The following VPS26A variants were observed in gnomAD, a reference collection of about 807,000 sequenced individuals.
The protein encoded by VPS26A is VPS26 retromer complex component A.
In VPS26A, 22 loss-of-function variants were observed where a neutral mutation model predicts 42.4. That is an observed-to-expected ratio of 0.52 (90% CI 0.37 to 0.74). VPS26A has a LOEUF of 0.74. VPS26A is among the 30% of genes least tolerant of loss of function. The pLI, the probability that VPS26A is intolerant of heterozygous loss-of-function variation, is 0.00. For missense variants in VPS26A, 276 were observed against 379.2 expected (o/e 0.73, Z 2.26); for synonymous variants, 110 against 123.5 (o/e 0.89, Z 0.73).
intron 2 of VPS26A, among the ~76,000 whole-genome samples, chr10:69,149,722 T>C (rs1326611435): frequency 7.5e-6 from 1 of 134,114 alleles, no homozygotes; most frequent in African/African-American, 2.7e-5. Context: ...GTTAACTTTC[T>C]TGGTGTTTTT....
chr10:69,132,882 T>A lies in VPS26A; in HGVS notation c.4-16T>A. The A allele has an allele frequency of 6.4e-7, 1 of 1,574,314 alleles. No individual in the cohort carries two copies. On this transcript the variant is annotated splice_polypyrimidine_tract_variant and intron_variant, in intron 1 of 8. Transcript: ENST00000263559. ...GACTAAACATGATAATTATGACCAT[T>A]TTCATTTTATTTCAGAGTTTTCTTG...
At chr10:69,132,326 T>G (rs1840798792) in intron 1 of VPS26A, among the ~76,000 whole-genome samples, 1 of 132,688 alleles carries the variant, frequency 7.5e-6, no homozygotes, top group African/African-American at 2.6e-5. Flanking sequence ...TATAGCATGC[T>G]GAAATTTGTT....
At chr10:69,148,721 G>A (rs554122369) in intron 2 of VPS26A, among the ~76,000 whole-genome samples, 3 of 151,880 alleles carry the variant, frequency 2.0e-5, no homozygotes, top group South Asian at 2.1e-4. Context: ...ACTGAGGCAT[G>A]AGCTTTGAGA....
At chr10:69,146,918 G>A (rs1407223534) in intron 2 of VPS26A, among the ~76,000 whole-genome samples, 1 of 152,144 alleles carries the variant, frequency 6.6e-6, no homozygotes, top group African/African-American at 2.4e-5. Context: ...GTGAACATAT[G>A]TTTTAACTTC....
In VPS26A at chr10:69,156,981, T is replaced by G. The variant is rs201441761; in HGVS notation, c.230-26T>G. On this transcript the variant is annotated intron_variant, in intron 3 of 8. Transcript: ENST00000263559. The stretch of plus-strand genomic sequence containing the variant: ...ATTGAAATGGCTATTAAATAATTGG[T>G]CTTTTTGCCTTTTAAAATTTCTCAG... 1.5e-5 allele frequency: 23 copies of G among 1,560,890 alleles called. No homozygotes were observed. The African/African-American group carries it at 3.0e-4, about 21-fold the overall frequency.
At chr10:69,135,324 T>G (rs982813131) in intron 2 of VPS26A, among the ~76,000 whole-genome samples, 1 of 152,230 alleles carries the variant, frequency 6.6e-6, no homozygotes, top group Admixed American at 6.5e-5. Flanking sequence ...TTTAAAGTAA[T>G]CTTATGTCAC....
chr10:69,149,727 G>GTTTTTTTTTTTTTTTTTT lies in VPS26A; in HGVS notation c.154-6079_154-6078insTTTTTTTTTTTTTTTTTT, dbSNP rs151136046. Among the ~76,000 whole-genome samples, 4 of 93,964 alleles carry GTTTTTTTTTTTTTTTTTT rather than the reference G, an allele frequency of 4.3e-5. 1 individual carries two copies. The highest frequency in any genetic ancestry group is 2.3e-4 in the Admixed American group (2 of 8,682). 61.6% of individuals were successfully genotyped at this position (93,964 alleles called of 152,430 possible). ...ACCATGGAATGTTAACTTTCTTGGT[G>GTTTTTTTTTTTTTTTTTT]TTTTTTGTTTTTTTTTTTTTTTTTT... On this transcript the variant is annotated intron_variant, in intron 2 of 8. Transcript: ENST00000263559.
intron 1 of VPS26A, among the ~76,000 whole-genome samples, chr10:69,125,681 T>G (rs1840635335): frequency 6.6e-6 from 1 of 152,226 alleles, no homozygotes; most frequent in African/African-American, 2.4e-5. Context: ...AGAAACTAAA[T>G]TGTAAAACTT....
chr10:69,166,259 AAAG>A lies in VPS26A; in HGVS notation c.727+154_727+156del, dbSNP rs1463271503. ...TTTAAGGTCATCTTTGTACAGCTGC[AAAG>A]AAGACTGTAATTATATTTCCTAGTC... On this transcript the variant is annotated intron_variant, in intron 7 of 8. Coordinates refer to ENST00000263559, the MANE Select transcript of VPS26A (RefSeq NM_004896.5). 8.6e-6 allele frequency: 6 copies of A among 700,328 alleles called. No homozygotes were observed. The South Asian group carries it at 1.3e-4, about 15-fold the overall frequency. 43.4% of individuals were successfully genotyped at this position (700,328 alleles called of 1,614,324 possible). A position where few individuals can be genotyped will look rare whatever the true frequency, so the allele number is the denominator to read the frequency against.
intron 2 of VPS26A, among the ~76,000 whole-genome samples, chr10:69,136,822 C>T (rs1293330876): frequency 4.1e-5 from 6 of 147,982 alleles, no homozygotes; most frequent in South Asian, 2.1e-4. Flanking sequence ...GATGGAGTCT[C>T]GCTCTGTTGC....
intron 2 of VPS26A, among the ~76,000 whole-genome samples, chr10:69,142,722 CT>C (rs1296846275): frequency 6.9e-6 from 1 of 145,372 alleles, no homozygotes; most frequent in Middle Eastern, 3.2e-3. Flanking sequence ...CAAAAGAAAG[CT>C]TTCCCCCCAC....
chr10:69,135,355 G>A (rs1043688430), intron 2 of VPS26A, among the ~76,000 whole-genome samples: 1 of 152,220 alleles, frequency 6.6e-6, no homozygotes, highest in Non-Finnish European at 1.5e-5. Flanking sequence ...TGAAGTTCAT[G>A]GCTGATGTTT....
chr10:69,145,564 T>C (rs1273995931), intron 2 of VPS26A, among the ~76,000 whole-genome samples: 1 of 152,188 alleles, frequency 6.6e-6, no homozygotes, highest in Non-Finnish European at 1.5e-5. Flanking sequence ...ATTTTTCTTC[T>C]GTATGGATAG....
chr10:69,173,437 A>G lies in VPS26A; in HGVS notation c.*2168A>G, dbSNP rs906219679. Among the ~76,000 whole-genome samples the G allele has an allele frequency of 2.0e-5, 3 of 151,696 alleles. No homozygotes were observed. Among genetic ancestry groups the G allele is most frequent in the Admixed American group, 6.6e-5 (1 of 15,226 alleles). On this transcript the variant is annotated 3_prime_UTR_variant, in exon 9 of 9. Coordinates refer to ENST00000263559, the MANE Select transcript of VPS26A (RefSeq NM_004896.5). ...GGAATTCGAGACCAGCCTGGCCAACAAAAATGAGACCCTATCTCTACAAAA... is the reference window on the plus strand; with the variant it reads ...GGAATTCGAGACCAGCCTGGCCAACGAAAATGAGACCCTATCTCTACAAAA...
At chr10:69,134,718 A>G (rs1160108856) in intron 2 of VPS26A, among the ~76,000 whole-genome samples, 1 of 150,106 alleles carries the variant, frequency 6.7e-6, no homozygotes, top group Non-Finnish European at 1.5e-5. Context: ...CAGATTACCT[A>G]CTGGGGTCTT....
intron 2 of VPS26A, among the ~76,000 whole-genome samples, chr10:69,142,703 T>C (rs1415746085): frequency 7.4e-6 from 1 of 134,288 alleles, no homozygotes; most frequent in African/African-American, 2.8e-5. Flanking sequence ...TATTTTAATA[T>C]AACAAATGCA....
chr10:69,164,763 TATTA>T (rs751589008), intron 6 of VPS26A, among the ~76,000 whole-genome samples: 2 of 152,184 alleles, frequency 1.3e-5, no homozygotes, highest in Non-Finnish European at 2.9e-5. Context: ...ATTTTTAAAA[TATTA>T]ATTCATTTGA....
At chr10:69,126,523 C>T (rs1375238916) in intron 1 of VPS26A, among the ~76,000 whole-genome samples, 1 of 149,034 alleles carries the variant, frequency 6.7e-6, no homozygotes, top group Non-Finnish European at 1.5e-5. Flanking sequence ...GCCGAGATCG[C>T]GCTGCTGTAC....
At chr10:69,164,063 G>A (rs937647764) in intron 6 of VPS26A, among the ~76,000 whole-genome samples, 18 of 151,914 alleles carry the variant, frequency 1.2e-4, no homozygotes, top group Non-Finnish European at 2.2e-4. Context: ...CACCGCGCCC[G>A]GCCTAATTTT....
Sources: gnomAD v4.1 joint callset for allele counts (sites outside exome capture counted in the v4.1 genomes callset) on GRCh38, gnomAD v4.1.1 for gene constraint, MANE v1.5 for transcripts, NCBI Gene and HGNC (gene_info 2026-07-23, HGNC 2026-07-21) for gene names.